The following RCSD1 variants were observed in gnomAD, a reference collection of about 807,000 sequenced individuals.
RCSD1 encodes the protein capZ-interacting protein.
In RCSD1, 26 loss-of-function variants were observed where a neutral mutation model predicts 42.5. The ratio of observed to expected loss-of-function variants is 0.61; its 90% confidence interval spans 0.45 to 0.85. The LOEUF (loss-of-function observed/expected upper bound fraction) is 0.85. RCSD1 is among the 40% of genes least tolerant of loss of function. RCSD1 has a pLI of 0.00. For missense variants in RCSD1, 571 were observed against 528.3 expected (o/e 1.08, Z -0.79); for synonymous variants, 220 against 212.2 (o/e 1.04, Z -0.32).
intron 3 of RCSD1, among the ~76,000 whole-genome samples, chr1:167,687,259 T>A (rs1295145963): frequency 6.6e-6 from 1 of 152,178 alleles, no homozygotes; most frequent in East Asian, 1.9e-4. Context: ...GCGTAGTGGC[T>A]CACGCCTGTA....
chr1:167,666,720 C>T (rs1182655371), intron 1 of RCSD1, among the ~76,000 whole-genome samples: 1 of 152,210 alleles, frequency 6.6e-6, no homozygotes, highest in Non-Finnish European at 1.5e-5. Context: ...CCTCTGCAGG[C>T]TGAACACCCA....
intron 4 of RCSD1, 108 bp from the exon 5 acceptor site, chr1:167,693,991 G>T: frequency 1.0e-6 from 1 of 984,210 alleles, no homozygotes; most frequent in Non-Finnish European, 1.6e-6. Context: ...GAAAAGCCTG[G>T]TGTTACCTAG....
intron 1 of RCSD1, among the ~76,000 whole-genome samples, chr1:167,654,955 T>C (rs1427147754): frequency 1.3e-5 from 2 of 152,172 alleles, no homozygotes; most frequent in African/African-American, 2.4e-5. Context: ...TGAGTTCAGC[T>C]GGGTCCTGCA....
intron 4 of RCSD1, 52 bp downstream of exon 4, chr1:167,690,172 T>C (rs761510780): frequency 1.3e-6 from 2 of 1,572,078 alleles, no homozygotes; most frequent in South Asian, 1.1e-5. Context: ...CTCCACTTCT[T>C]ATCCAAAATT....
chr1:167,671,948 G>C (rs759527839), intron 1 of RCSD1, among the ~76,000 whole-genome samples: 4 of 152,106 alleles, frequency 2.6e-5, no homozygotes, highest in African/African-American at 9.7e-5. Flanking sequence ...TACCCTTCAG[G>C]CTTGGCCAGT....
chr1:167,676,499 A>G (rs1195656823), intron 1 of RCSD1, among the ~76,000 whole-genome samples: 1 of 152,226 alleles, frequency 6.6e-6, no homozygotes, highest in Non-Finnish European at 1.5e-5. Context: ...TCTGACTCTG[A>G]ATTTGTTGTT....
chr1:167,673,541 C>T (rs537655798), intron 1 of RCSD1, among the ~76,000 whole-genome samples: 13 of 152,266 alleles, frequency 8.5e-5, no homozygotes, highest in African/African-American at 3.1e-4. Context: ...ATACTCATCA[C>T]CACACAATGA....
At position 167,690,915 on chromosome 1, in the gene RCSD1, G is replaced by A. The variant is rs76411222; in HGVS notation, c.270+795G>A. ...TGTGTGCCCAGAGCCCTCACCTCCC[G>A]TGCCCAGGGCTGGCTGGCTCCCTGG... On this transcript the variant is annotated intron_variant, in intron 4 of 6. Coordinates refer to ENST00000367854, the MANE Select transcript of RCSD1 (RefSeq NM_052862.4). Among the ~76,000 whole-genome samples the A allele has an allele frequency of 9.1e-3, 1,386 of 152,202 alleles. 24 individuals are homozygous for A. The highest frequency in any genetic ancestry group is 0.032 in the African/African-American group (1,333 of 41,492).
chr1:167,634,076 A>G (rs979478366), intron 1 of RCSD1, among the ~76,000 whole-genome samples: 2 of 152,130 alleles, frequency 1.3e-5, no homozygotes, highest in Non-Finnish European at 2.9e-5. Context: ...ATAATTTCTC[A>G]ATAAAAGTTT....
At chr1:167,635,508 G>T (rs1383938578) in intron 1 of RCSD1, among the ~76,000 whole-genome samples, 1 of 152,192 alleles carries the variant, frequency 6.6e-6, no homozygotes, top group Non-Finnish European at 1.5e-5. Flanking sequence ...AGCCTGATCC[G>T]CAGCGTGGCT....
intron 1 of RCSD1, among the ~76,000 whole-genome samples, chr1:167,657,617 C>T (rs1658452000): frequency 6.6e-6 from 1 of 152,174 alleles, no homozygotes; most frequent in Admixed American, 6.5e-5. Context: ...TTCCTCCCCT[C>T]CCCTCTGGGC....
chr1:167,707,099 A>G lies in RCSD1; in HGVS notation c.*2403A>G, dbSNP rs892846674. On this transcript the variant is annotated 3_prime_UTR_variant, in exon 7 of 7. Coordinates refer to ENST00000367854, the MANE Select transcript of RCSD1 (RefSeq NM_052862.4). ...TTACTCCAGAGAGGGAGCAAGAAAA[A>G]AAACCTGGATGCTTTGAAGGGATCT... 3.9e-5 allele frequency among the ~76,000 whole-genome samples: 6 copies of G among 152,198 alleles called. No individual in the cohort carries two copies. Among genetic ancestry groups the G allele is most frequent in the African/African-American group, 1.2e-4 (5 of 41,444 alleles).
chr1:167,664,350 C>T (rs1324503892), intron 1 of RCSD1: 1 of 152,222 alleles, frequency 6.6e-6, no homozygotes, highest in Non-Finnish European at 1.5e-5. Flanking sequence ...CTGCTCACGC[C>T]CTGAGGCACA....
chr1:167,637,029 A>G lies in RCSD1; in HGVS notation c.6+6600A>G, dbSNP rs1486392628. 2.0e-5 allele frequency among the ~76,000 whole-genome samples: 3 copies of G among 152,188 alleles called. No homozygotes were observed. The East Asian group carries it at 5.8e-4, about 29-fold the overall frequency. ...AGAGGGGAGACAAACACCTAAACAG[A>G]TTATTGCAGAGCAGGGATGAGAGCT... is the stretch of plus-strand genomic sequence containing the variant. On this transcript the variant is annotated intron_variant, in intron 1 of 6. Transcript: ENST00000367854.
intron 6 of RCSD1, among the ~76,000 whole-genome samples, chr1:167,700,924 GA>G (rs1558095857): frequency 2.0e-5 from 3 of 152,162 alleles, no homozygotes. Flanking sequence ...CTGAAGGGTT[GA>G]AAAGTCACTT....
At chr1:167,654,636 G>A (rs1658382780) in intron 1 of RCSD1, among the ~76,000 whole-genome samples, 1 of 152,174 alleles carries the variant, frequency 6.6e-6, no homozygotes, top group African/African-American at 2.4e-5. Context: ...TGATTATTTA[G>A]TAGGTAGTAT....
chr1:167,644,982 G>A (rs369152529), intron 1 of RCSD1, among the ~76,000 whole-genome samples: 1 of 152,338 alleles, frequency 6.6e-6, no homozygotes. Context: ...GAACTACCTT[G>A]CCCAAAGTAT....
At chr1:167,680,627 C>T (rs1659058849) in intron 1 of RCSD1, among the ~76,000 whole-genome samples, 1 of 152,076 alleles carries the variant, frequency 6.6e-6, no homozygotes. Flanking sequence ...ACCATAGGCA[C>T]ACGCCACCAC....
chr1:167,694,422 G>A (rs1659450046), intron 5 of RCSD1, 120 bp downstream of exon 5: 1 of 959,938 alleles, frequency 1.0e-6, no homozygotes, highest in Non-Finnish European at 1.6e-6. Context: ...TACTGTCAGA[G>A]CTGCGTGTTA....
Sources: gnomAD v4.1 joint callset for allele counts (sites outside exome capture counted in the v4.1 genomes callset) on GRCh38, gnomAD v4.1.1 for gene constraint, MANE v1.5 for transcripts, NCBI Gene and HGNC (gene_info 2026-07-23, HGNC 2026-07-21) for gene names.